PCDHGA6: variants seen among roughly 807,000 people sequenced by gnomAD.
The protein encoded by PCDHGA6 is protocadherin gamma subfamily A, 6, also known as protocadherin gamma-A6.
A neutral mutation model predicts 60.6 loss-of-function variants in PCDHGA6; 41 were observed. That is an observed-to-expected ratio of 0.68 (90% CI 0.53 to 0.88). The LOEUF is 0.88. Among genes scored for constraint, PCDHGA6 ranks in the 40% least tolerant of loss-of-function variants. PCDHGA6 has a pLI of 0.00. For missense variants in PCDHGA6, 1,312 were observed against 1,203.0 expected, an observed-to-expected ratio of 1.09 and a Z score of -1.34; for synonymous variants, 594 against 524.4, an observed-to-expected ratio of 1.13 and a Z score of -1.81.
Position 141,491,916 on chromosome 5 carries a change from G to T in PCDHGA6, c.2425-2891G>T. ...GAGCACCGGGGGTGGTGGCGACTGT[G>T]GGCGAGGGGAGGTGGGACCGACCCC... On this transcript the variant is annotated intron_variant, in intron 1 of 3. Transcript: ENST00000517434. The surrounding 1 kb of genome is among the most constrained non-coding windows in gnomAD (Gnocchi z 6.9). 2 of 1,386,662 alleles carry T rather than the reference G, an allele frequency of 1.4e-6. No homozygotes were observed. Among genetic ancestry groups the T allele is most frequent in the African/African-American group, 1.5e-5 (1 of 68,510 alleles). The allele number at this position is 1,386,662 out of a possible 1,614,324, so 85.9% of individuals were successfully genotyped here.
intron 2 of PCDHGA6, among the ~76,000 whole-genome samples, chr5:141,500,216 ATTT>A (rs979396489): frequency 3.1e-4 from 46 of 149,244 alleles, no homozygotes; most frequent in Non-Finnish European, 6.7e-4. Context: ...TTATTTATTT[ATTT>A]ATTTATTGAT....
chr5:141,485,421 C>G lies in PCDHGA6; in HGVS notation c.2425-9386C>G. The G allele has an allele frequency of 6.2e-7, 1 of 1,614,112 alleles. No individual in the cohort carries two copies. The highest frequency in any genetic ancestry group is 1.1e-5 in the South Asian group (1 of 91,080). ...TTCCGTGTGGATTTGGACAGCGGAG[C>G]CCTGCTCATCAAGAACCCAATCGAC... On this transcript the variant is annotated intron_variant, in intron 1 of 3. Transcript: ENST00000517434. This position sits in a 1 kb window ranked among gnomAD's most constrained non-coding sequence, Gnocchi z 5.7.
At chr5:141,395,134 A>G (rs1468654358) in intron 1 of PCDHGA6, 7 of 1,614,062 alleles carry the variant, frequency 4.3e-6, no homozygotes, top group Middle Eastern at 1.6e-4. Flanking sequence ...CCCCAGCCCA[A>G]CTACGCAGAC....
intron 1 of PCDHGA6, chr5:141,408,952 T>C (rs531696982): frequency 6.2e-7 from 1 of 1,613,544 alleles, no homozygotes; most frequent in African/African-American, 1.3e-5. Context: ...ATAGAATTAG[T>C]CTTAGTGAAA....
intron 1 of PCDHGA6, chr5:141,398,338 G>A (rs1261830149): frequency 4.4e-6 from 6 of 1,375,730 alleles, no homozygotes; most frequent in Non-Finnish European, 6.0e-6. Context: ...CGTCAGTTCG[G>A]AGAAGCCTTA....
rs188283892 is a variant in PCDHGA6, at chr5:141,394,450, T to C, written c.2424+17943T>C. ...GGGGACCCGCCCCTCAGCAGCAACA[T>C]GTCACTGAGCCTGTTCGTGCTGGAC... On this transcript the variant is annotated intron_variant, in intron 1 of 3. Coordinates refer to ENST00000517434, the MANE Select transcript of PCDHGA6 (RefSeq NM_018919.3). 12 of 1,614,228 alleles carry C rather than the reference T, an allele frequency of 7.4e-6. No individual in the cohort carries two copies. In the South Asian group the frequency reaches 1.3e-4, roughly 18 times the overall value.
intron 1 of PCDHGA6, chr5:141,409,612 C>T: frequency 6.2e-7 from 1 of 1,613,908 alleles, no homozygotes; most frequent in Non-Finnish European, 8.5e-7. Flanking sequence ...CAGGAGCCTC[C>T]ATTGCGCAAG....
intron 1 of PCDHGA6, chr5:141,411,432 AC>A (rs1483186233): frequency 6.6e-6 from 1 of 151,012 alleles, no homozygotes; most frequent in African/African-American, 2.4e-5. Context: ...ACAAAAAAAA[AC>A]ATTAGCAGAG....
chr5:141,449,804 T>C (rs991937787), intron 1 of PCDHGA6, among the ~76,000 whole-genome samples: 2 of 151,676 alleles, frequency 1.3e-5, no homozygotes, highest in Non-Finnish European at 2.9e-5. Flanking sequence ...AAATACCTCA[T>C]TGTGTATTTC....
rs757503771 is a variant in PCDHGA6 at position 141,433,052 on chromosome 5, A to C, written c.2424+56545A>C. 31 of 1,614,060 alleles carry C rather than the reference A, an allele frequency of 1.9e-5. No homozygotes were observed. Among genetic ancestry groups the C allele is most frequent in the Non-Finnish European group, 1.8e-5 (21 of 1,180,044 alleles). On this transcript the variant is annotated intron_variant, in intron 1 of 3. Coordinates refer to ENST00000517434, the MANE Select transcript of PCDHGA6 (RefSeq NM_018919.3). ...GGTTTCCCTCACCACGGACTCGCGG[A>C]AGAGTCACCTGATCTTCCCCCAGCC...
chr5:141,410,118 G>T (rs2095358965), intron 1 of PCDHGA6: 3 of 1,612,304 alleles, frequency 1.9e-6, no homozygotes, highest in East Asian at 4.5e-5. Context: ...GACGCAGCCC[G>T]CCAGCGCCTG....
rs1178494066 is a variant in PCDHGA6 at position 141,374,520 on chromosome 5, C to G, written c.437C>G (p.Ala146Gly). 3 of 1,612,422 alleles carry G rather than the reference C, an allele frequency of 1.9e-6. No individual in the cohort carries two copies. Among genetic ancestry groups the G allele is most frequent in the Non-Finnish European group, 2.5e-6 (3 of 1,178,590 alleles). ...TTGGAAGTGAAAATTCTCGAAAACGCAGCTCCATCCTCTCGTTTTCCACTA... is the reference window on the plus strand; with the variant it reads ...TTGGAAGTGAAAATTCTCGAAAACGGAGCTCCATCCTCTCGTTTTCCACTA... ...EELEVKILEN[A>G]APSSRFPLME... is the part of the protein sequence containing the mutation. The change falls in exon 1 of 4, where the codon GCA becomes GGA. Residue 146 changes from alanine (A) to glycine (G), a missense_variant. Physicochemically the swap from Ala to Gly is moderately conservative, Grantham distance 60 (BLOSUM62 0). Coordinates refer to ENST00000517434, the MANE Select transcript of PCDHGA6 (RefSeq NM_018919.3).
At chr5:141,400,065 A>G (rs1012484805) in intron 1 of PCDHGA6, 3 of 1,613,758 alleles carry the variant, frequency 1.9e-6, no homozygotes, top group African/African-American at 1.3e-5. Flanking sequence ...GTGATGGTGG[A>G]CAGCCGCCAC....
intron 1 of PCDHGA6, chr5:141,413,279 TCTC>T (rs759727755): frequency 2.4e-5 from 39 of 1,613,826 alleles, no homozygotes; most frequent in Non-Finnish European, 3.1e-5. Flanking sequence ...GCCCGGCAGA[TCTC>T]CTACTCAATT....
intron 1 of PCDHGA6, chr5:141,478,174 G>GA (rs1156842877): frequency 3.7e-6 from 6 of 1,613,692 alleles, no homozygotes; most frequent in South Asian, 1.1e-5. Context: ...CCCGGGAGCA[G>GA]AAAAAAAATC....
chr5:141,487,429 C>A lies in PCDHGA6; in HGVS notation c.2425-7378C>A. 1 of 1,614,162 alleles carries A rather than the reference C, an allele frequency of 6.2e-7. No individual in the cohort carries two copies. Among genetic ancestry groups the A allele is most frequent in the Non-Finnish European group, 8.5e-7 (1 of 1,180,018 alleles). On this transcript the variant is annotated intron_variant, in intron 1 of 3. Transcript: ENST00000517434. The surrounding 1 kb of genome is among the most constrained non-coding windows in gnomAD (Gnocchi z 5.0). ...CCCCTTCCAATGGGATCCTCCGAAT[C>A]CAGCTAGGGTCAGATGACCCTATCA...
chr5:141,464,676 T>C (rs1337677151), intron 1 of PCDHGA6, among the ~76,000 whole-genome samples: 3 of 152,176 alleles, frequency 2.0e-5, no homozygotes, highest in Non-Finnish European at 2.9e-5. Context: ...ATAATTTTAA[T>C]TAAAATTTCT....
intron 1 of PCDHGA6, chr5:141,478,289 G>A (rs1210628852): frequency 1.2e-6 from 2 of 1,614,146 alleles, no homozygotes; most frequent in African/African-American, 2.7e-5. Context: ...GCAGTCTAGA[G>A]ACCTATACCG....
intron 1 of PCDHGA6, among the ~76,000 whole-genome samples, chr5:141,464,964 A>G (rs1433148254): frequency 6.6e-6 from 1 of 152,030 alleles, no homozygotes; most frequent in Non-Finnish European, 1.5e-5. Flanking sequence ...CTTGTCTTGA[A>G]CTACTGGCTT....
Sources: allele counts gnomAD v4.1 joint callset (sites outside exome capture counted in the v4.1 genomes callset), GRCh38; gene constraint gnomAD v4.1.1; non-coding constraint Gnocchi (gnomAD v3.1); transcripts MANE v1.5; gene names NCBI Gene and HGNC (gene_info 2026-07-23, HGNC 2026-07-21).